The following RAB11FIP3 variants were observed in gnomAD, a reference collection of about 807,000 sequenced individuals.
The protein encoded by RAB11FIP3 is RAB11 family interacting protein 3.
RAB11FIP3 carries 17 observed loss-of-function variants against 77.8 expected under a neutral mutation model. The ratio of observed to expected loss-of-function variants is 0.22; its 90% confidence interval spans 0.15 to 0.33. The LOEUF (loss-of-function observed/expected upper bound fraction) is 0.33, where lower values mean the gene tolerates loss of function less well. Ranked by LOEUF, RAB11FIP3 falls within the 10% of genes least tolerant of loss-of-function variation. The pLI is 1.00. For synonymous variants in RAB11FIP3, 437 were observed against 448.2 expected (o/e 0.98, Z 0.31); for missense variants, 1,005 against 1,011.2 (o/e 0.99, Z 0.08).
intron 1 of RAB11FIP3, among the ~76,000 whole-genome samples, chr16:442,438 G>A (rs1355341985): frequency 1.3e-5 from 2 of 152,200 alleles, no homozygotes; most frequent in Non-Finnish European, 2.9e-5. Flanking sequence ...GAACCCTCGT[G>A]AAGGGGGTTG....
intron 6 of RAB11FIP3, chr16:497,471 G>C (rs1455272498): frequency 8.3e-7 from 1 of 1,203,288 alleles, no homozygotes; most frequent in Non-Finnish European, 1.1e-6. Context: ...GTCTTTATCT[G>C]CTTTGCCTTC....
intron 3 of RAB11FIP3, among the ~76,000 whole-genome samples, chr16:476,907 G>A (rs1203428421): frequency 6.6e-6 from 1 of 152,028 alleles, no homozygotes; most frequent in Admixed American, 6.6e-5. Context: ...TGACCAACAC[G>A]GTGAAACCCT....
intron 1 of RAB11FIP3, among the ~76,000 whole-genome samples, chr16:452,754 T>A (rs1272384536): frequency 1.4e-5 from 1 of 69,432 alleles, no homozygotes; most frequent in Non-Finnish European, 3.0e-5. Flanking sequence ...TTTTTTAATT[T>A]TTTTTTATTT....
rs9921367 is a variant in RAB11FIP3 at position 443,863 on chromosome 16, C to A, written c.714+17143C>A. Among the ~76,000 whole-genome samples the A allele has an allele frequency of 2.9e-3, 448 of 152,318 alleles. 2 individuals are homozygous for A. The highest frequency in any genetic ancestry group is 0.011 in the African/African-American group (440 of 41,570). On this transcript the variant is annotated intron_variant, in intron 1 of 13. Coordinates refer to ENST00000262305, the MANE Select transcript of RAB11FIP3 (RefSeq NM_014700.4). ...ACAGGCATGAGCCATCGCGCCCGGCCTGGATATGTAGGGTTTAAAGCATTT... is the reference window on the plus strand; with the variant it reads ...ACAGGCATGAGCCATCGCGCCCGGCATGGATATGTAGGGTTTAAAGCATTT...
chr16:443,634 T>C (rs1363079741), intron 1 of RAB11FIP3, among the ~76,000 whole-genome samples: 5 of 152,122 alleles, frequency 3.3e-5, no homozygotes, highest in Admixed American at 6.6e-5. Context: ...GGCGCGATCT[T>C]GGCTCACTGC....
intron 1 of RAB11FIP3, among the ~76,000 whole-genome samples, chr16:451,137 A>G (rs1464637966): frequency 6.6e-6 from 1 of 152,106 alleles, no homozygotes; most frequent in Non-Finnish European, 1.5e-5. Flanking sequence ...GCAGCTCTGA[A>G]TATACTAAAA....
intron 2 of RAB11FIP3, among the ~76,000 whole-genome samples, chr16:470,929 T>C (rs970436244): frequency 6.6e-6 from 1 of 151,966 alleles, no homozygotes; most frequent in African/African-American, 2.4e-5. Flanking sequence ...GATTGGTACC[T>C]AACACTTTTT....
chr16:489,536 G>A (rs886127306), intron 5 of RAB11FIP3, among the ~76,000 whole-genome samples: 1 of 152,190 alleles, frequency 6.6e-6, no homozygotes, highest in Non-Finnish European at 1.5e-5. Context: ...ACGTACTTCT[G>A]AGGGCTAGGG....
Position 506,104 on chromosome 16 carries a change from C to T in RAB11FIP3, c.1499+477C>T, listed in dbSNP as rs1255108803. Among the ~76,000 whole-genome samples the T allele has an allele frequency of 6.6e-6, 1 of 152,202 alleles. No individual in the cohort carries two copies. The highest frequency in any genetic ancestry group is 1.9e-4 in the East Asian group (1 of 5,198). On this transcript the variant is annotated intron_variant, in intron 8 of 13. Transcript: ENST00000262305. This position sits in a 1 kb window ranked among gnomAD's most constrained non-coding sequence, Gnocchi z 4.5. ...TACGCGACAGGACGCGCAGTCTCAT[C>T]GCTGTGGGCAGGAGTGCTGGGGAGG...
rs1354301765 is a variant in RAB11FIP3, at chr16:506,671, C to T, written c.1499+1044C>T. ...CATTTGTGACCATCTGCCCTGTGAG[C>T]GCTGAGAATTGGAATGCCTCATGGG... On this transcript the variant is annotated intron_variant, in intron 8 of 13. Coordinates refer to ENST00000262305, the MANE Select transcript of RAB11FIP3 (RefSeq NM_014700.4). This position sits in a 1 kb window ranked among gnomAD's most constrained non-coding sequence, Gnocchi z 4.5. Among the ~76,000 whole-genome samples, 1 of 152,222 alleles carries T rather than the reference C, an allele frequency of 6.6e-6. No individual in the cohort carries two copies. The highest frequency in any genetic ancestry group is 1.5e-5 in the Non-Finnish European group (1 of 68,040).
rs182976905 is a variant in RAB11FIP3 at position 510,838 on chromosome 16, G to T, written c.1640+38G>T. 123 of 1,605,506 alleles carry T rather than the reference G, an allele frequency of 7.7e-5. No homozygotes were observed. The African/African-American group carries it at 1.6e-3, about 20-fold the overall frequency. On this transcript the variant is annotated intron_variant, in intron 9 of 13. Coordinates refer to ENST00000262305, the MANE Select transcript of RAB11FIP3 (RefSeq NM_014700.4). Reference sequence around the variant, plus strand: ...CAACAGCCCATCCACCCCAGAACCTGCAGGCCAGGTAGGAGACGGTCCCCA... The same window carrying T: ...CAACAGCCCATCCACCCCAGAACCTTCAGGCCAGGTAGGAGACGGTCCCCA...
chr16:520,986 GC>G lies in RAB11FIP3; in HGVS notation c.*149del. ...ACCCTCGTGCAGCTGAGCTGGGGCC[GC>G]CAAAGACCGGGGCTGCCAAAGGGGC... On this transcript the variant is annotated 3_prime_UTR_variant, in exon 14 of 14. Transcript: ENST00000262305. 1 of 684,494 alleles carries G rather than the reference GC, an allele frequency of 1.5e-6. No individual in the cohort carries two copies. Among genetic ancestry groups the G allele is most frequent in the South Asian group, 1.8e-5 (1 of 56,514 alleles). The allele number at this position is 684,494 out of a possible 1,614,324, so 42.4% of individuals were successfully genotyped here.
At chr16:510,094 G>A (rs528523834) in intron 8 of RAB11FIP3, among the ~76,000 whole-genome samples, 5 of 141,902 alleles carry the variant, frequency 3.5e-5, no homozygotes, top group African/African-American at 5.4e-5. Flanking sequence ...GCACCTCCAC[G>A]CCCCGTCCCG....
chr16:493,669 C>T (rs577162667), intron 5 of RAB11FIP3, among the ~76,000 whole-genome samples: 24 of 152,218 alleles, frequency 1.6e-4, no homozygotes, highest in East Asian at 3.9e-4. Flanking sequence ...TGCAGTGGTG[C>T]GATCTCGGCT....
At chr16:438,190 C>T (rs1032418166) in intron 1 of RAB11FIP3, among the ~76,000 whole-genome samples, 1 of 152,072 alleles carries the variant, frequency 6.6e-6, no homozygotes, top group Admixed American at 6.6e-5. Flanking sequence ...TTACTGCAAC[C>T]TCCGCCTCTC....
At chr16:492,481 GGGCCCTCCCGGGAGACCCGAGGCCGCCCA>G (rs2030593958) in intron 5 of RAB11FIP3, among the ~76,000 whole-genome samples, 1 of 107,270 alleles carries the variant, frequency 9.3e-6, no homozygotes, top group African/African-American at 3.1e-5. Context: ...AGGCCGCCCA[GGGCCCTCCCGGGAGACCCGAGGCCGCCCA>G]GGGCCCTCCC....
At chr16:458,447 C>T (rs1335092225) in intron 1 of RAB11FIP3, among the ~76,000 whole-genome samples, 3 of 150,674 alleles carry the variant, frequency 2.0e-5, no homozygotes, top group Non-Finnish European at 4.4e-5. Context: ...GGGCCTTCCT[C>T]GGGTTCACCG....
intron 1 of RAB11FIP3, among the ~76,000 whole-genome samples, chr16:443,728 G>A (rs1325755704): frequency 6.6e-6 from 1 of 152,130 alleles, no homozygotes; most frequent in Non-Finnish European, 1.5e-5. Context: ...ACCACGCCCG[G>A]CTAATTTTTG....
chr16:488,711 C>CG (rs1555504673), intron 4 of RAB11FIP3, 140 bp from the exon 5 acceptor site: 3 of 581,092 alleles, frequency 5.2e-6, no homozygotes, highest in African/African-American at 4.3e-5. Flanking sequence ...ATCCAGCCCA[C>CG]TTTTTTTTTT....
Sources: allele counts gnomAD v4.1 joint callset (sites outside exome capture counted in the v4.1 genomes callset), GRCh38; gene constraint gnomAD v4.1.1; non-coding constraint Gnocchi (gnomAD v3.1); transcripts MANE v1.5; gene names NCBI Gene and HGNC (gene_info 2026-07-23, HGNC 2026-07-21).